Variants in DOCK1 observed in about 807,000 individuals in gnomAD.
DOCK1 encodes dedicator of cytokinesis protein 1.
In DOCK1, 138 loss-of-function variants were observed where a neutral mutation model predicts 262.7. The observed-to-expected ratio is 0.53, with a 90% CI of 0.46 to 0.61. DOCK1 has a LOEUF of 0.61. Ranked by LOEUF, DOCK1 falls within the 20% of genes least tolerant of loss-of-function variation. The probability of loss-of-function intolerance (pLI) is 0.00; values close to 1 mark genes in which losing one functional copy is unlikely to be tolerated. For missense variants in DOCK1, 1,908 were observed against 2,370.7 expected (o/e 0.80, Z 4.05); for synonymous variants, 866 against 867.4 (o/e 1.00, Z 0.03).
intron 1 of DOCK1, among the ~76,000 whole-genome samples, chr10:126,958,608 A>G (rs2036940861): frequency 6.6e-6 from 1 of 152,112 alleles, no homozygotes; most frequent in East Asian, 1.9e-4. Flanking sequence ...TAAAGCAGGT[A>G]GGTTTTCTCT....
At chr10:127,415,124 G>T in intron 43 of DOCK1, 28 bp from the exon 44 acceptor site, 10 of 1,599,018 alleles carry the variant, frequency 6.3e-6, no homozygotes, top group Non-Finnish European at 8.6e-6. Context: ...CTTCTAACCC[G>T]TGTTGTGTGT....
intron 27 of DOCK1, among the ~76,000 whole-genome samples, chr10:127,186,935 G>A (rs1028899776): frequency 6.6e-6 from 1 of 152,184 alleles, no homozygotes; most frequent in African/African-American, 2.4e-5. Context: ...TGGGACATCT[G>A]TGGGCTGTTC....
chr10:127,097,684 C>G (rs2047994398), intron 23 of DOCK1, among the ~76,000 whole-genome samples: 1 of 152,110 alleles, frequency 6.6e-6, no homozygotes, highest in South Asian at 2.1e-4. Context: ...ATAACATAAG[C>G]CAGGACTTAA....
chr10:127,089,328 C>T (rs1204371511), intron 23 of DOCK1, among the ~76,000 whole-genome samples: 8 of 152,140 alleles, frequency 5.3e-5, no homozygotes, highest in African/African-American at 1.7e-4. Flanking sequence ...TTCCCATGGC[C>T]ACTCCCTGGA....
intron 23 of DOCK1, among the ~76,000 whole-genome samples, chr10:127,093,223 C>CTTTCTTTCTTTCTTTCTTTCTTTTCT (rs2047667166): frequency 1.1e-5 from 1 of 94,436 alleles, no homozygotes; most frequent in African/African-American, 5.0e-5. Flanking sequence ...TCTTTCTTTT[C>CTTTCTTTCTTTCTTTCTTTCTTTTCT]TTTCTTTCTT....
intron 38 of DOCK1, among the ~76,000 whole-genome samples, chr10:127,396,534 G>A (rs1171950583): frequency 6.6e-6 from 1 of 152,108 alleles, no homozygotes; most frequent in East Asian, 1.9e-4. Flanking sequence ...TGCACTTGCT[G>A]TTCCTCTCCT....
At chr10:127,243,906 T>C (rs1175151475) in intron 27 of DOCK1, among the ~76,000 whole-genome samples, 1 of 152,212 alleles carries the variant, frequency 6.6e-6, no homozygotes, top group African/African-American at 2.4e-5. Flanking sequence ...CTCATGACTA[T>C]CTGGTATCTT....
intron 38 of DOCK1, among the ~76,000 whole-genome samples, chr10:127,385,376 C>G (rs189656128): frequency 1.9e-3 from 286 of 151,884 alleles, no homozygotes; most frequent in African/African-American, 6.1e-3. Flanking sequence ...TTTAATCAGC[C>G]AGTATTATAT....
chr10:127,225,419 C>T (rs2483871), intron 27 of DOCK1, among the ~76,000 whole-genome samples: 152,145 of 152,362 alleles, frequency 1, 75,964 homozygotes, highest in Non-Finnish European at 1. Flanking sequence ...TGATGTTTTC[C>T]GTGGGTTTCA....
intron 1 of DOCK1, among the ~76,000 whole-genome samples, chr10:126,940,606 G>A (rs1166629100): frequency 6.6e-6 from 1 of 152,090 alleles, no homozygotes; most frequent in South Asian, 2.1e-4. Flanking sequence ...GTTTCACCAT[G>A]TTGGCCAGGC....
chr10:127,386,351 C>T (rs1810143338), intron 38 of DOCK1, among the ~76,000 whole-genome samples: 1 of 152,176 alleles, frequency 6.6e-6, no homozygotes, highest in South Asian at 2.1e-4. Flanking sequence ...GCCTCTGGTA[C>T]AGGTCGTGGC....
chr10:126,997,257 C>T (rs1279042968), intron 7 of DOCK1, among the ~76,000 whole-genome samples: 4 of 152,166 alleles, frequency 2.6e-5, no homozygotes, highest in African/African-American at 9.7e-5. Context: ...TTTTCGTCTT[C>T]TATGATCTTT....
At chr10:126,950,918 T>C (rs956071714) in intron 1 of DOCK1, among the ~76,000 whole-genome samples, 47,927 of 151,872 alleles carry the variant, frequency 0.32, 7,864 homozygotes, top group Non-Finnish European at 0.37. Context: ...TTGTTGATGA[T>C]GGTGGTTGGT....
At chr10:127,339,695 T>TTGTGTGTGTGTGTG (rs112206811) in intron 30 of DOCK1, among the ~76,000 whole-genome samples, 14 of 109,852 alleles carry the variant, frequency 1.3e-4, no homozygotes, top group Admixed American at 2.0e-4. Flanking sequence ...CTGGCCTGAT[T>TTGTGTGTGTGTGTG]TGTGTGTGTG....
chr10:126,908,182 A>G (rs2031224389), intron 1 of DOCK1, among the ~76,000 whole-genome samples: 1 of 152,216 alleles, frequency 6.6e-6, no homozygotes, highest in Non-Finnish European at 1.5e-5. Context: ...CAGGCTCCCC[A>G]CTTGTCTGCA....
At chr10:127,385,579 C>T (rs1041828483) in intron 38 of DOCK1, among the ~76,000 whole-genome samples, 4 of 152,178 alleles carry the variant, frequency 2.6e-5, no homozygotes, top group African/African-American at 9.7e-5. Context: ...CTGACTAGCA[C>T]ACTTTATGAA....
intron 23 of DOCK1, among the ~76,000 whole-genome samples, chr10:127,075,191 A>G (rs2046451348): frequency 7.3e-6 from 1 of 137,316 alleles, no homozygotes; most frequent in African/African-American, 2.6e-5. Context: ...AAAAAAAAAA[A>G]AAAAAAAAGG....
chr10:127,186,485 T>A (rs1207748547), intron 27 of DOCK1, among the ~76,000 whole-genome samples: 1 of 118,808 alleles, frequency 8.4e-6, no homozygotes. Flanking sequence ...CTCACAATCA[T>A]GATAACAGCA....
rs1179807980 is a variant in DOCK1 at position 127,437,849 on chromosome 10, A to G, written c.5061-1178A>G. ...CCCATTCAGAAATACATGTAAAAGAAACTAGAGCTAGGATGAAAATATGAC... is the reference window on the plus strand; with the variant it reads ...CCCATTCAGAAATACATGTAAAAGAGACTAGAGCTAGGATGAAAATATGAC... On this transcript the variant is annotated intron_variant, in intron 48 of 51. Transcript: ENST00000623213. The surrounding 1 kb of genome is among the most constrained non-coding windows in gnomAD (Gnocchi z 4.4). 6.6e-6 allele frequency among the ~76,000 whole-genome samples: 1 copy of G among 152,180 alleles called. No individual in the cohort carries two copies. Among genetic ancestry groups the G allele is most frequent in the Non-Finnish European group, 1.5e-5 (1 of 68,032 alleles).
Sources: allele counts gnomAD v4.1 joint callset (sites outside exome capture counted in the v4.1 genomes callset), GRCh38; gene constraint gnomAD v4.1.1; non-coding constraint Gnocchi (gnomAD v3.1); transcripts MANE v1.5; gene names NCBI Gene and HGNC (gene_info 2026-07-23, HGNC 2026-07-21).